MYLK4: variants seen among roughly 807,000 people sequenced by gnomAD.
MYLK4 encodes the protein myosin light chain kinase family member 4.
In MYLK4, 46 loss-of-function variants were observed where a neutral mutation model predicts 48.1. The observed-to-expected ratio is 0.96, with a 90% CI of 0.75 to 1.22. The LOEUF is 1.22. Ranked by LOEUF, MYLK4 falls within the 50% of genes most tolerant of loss-of-function variation. MYLK4 has a pLI of 0.00. For missense variants in MYLK4, 451 were observed against 486.1 expected (o/e 0.93, Z 0.68); for synonymous variants, 170 against 180.8 (o/e 0.94, Z 0.48).
In MYLK4 at chr6:2,685,447, G is replaced by C; in HGVS notation, c.435+36C>G. ...AGTGCATTAGTGTGGTCAAGATGGG[G>C]CGGGGAGGGAGGGGACCACCTCCCA... On this transcript the variant is annotated intron_variant, in intron 5 of 12. Coordinates refer to ENST00000274643, the MANE Select transcript of MYLK4 (RefSeq NM_001012418.5). This position sits in a 1 kb window ranked among gnomAD's most constrained non-coding sequence, Gnocchi z 4.5. 6.2e-7 allele frequency: 1 copy of C among 1,605,462 alleles called. No individual in the cohort carries two copies. The highest frequency in any genetic ancestry group is 8.5e-7 in the Non-Finnish European group (1 of 1,172,542).
chr6:2,728,093 A>G (rs60078844), intron 2 of MYLK4, among the ~76,000 whole-genome samples: 3,099 of 152,270 alleles, frequency 0.02, 85 homozygotes, highest in African/African-American at 0.071. Flanking sequence ...GGAAAGGATA[A>G]GTAATGAGTA....
rs1324533451 is a variant in MYLK4, at chr6:2,666,204, T to C, written c.*1721A>G. 2.6e-5 allele frequency: 4 copies of C among 152,178 alleles called. No individual in the cohort carries two copies. Among genetic ancestry groups the C allele is most frequent in the Non-Finnish European group, 4.4e-5 (3 of 68,034 alleles). The allele number at this position is 152,178 out of a possible 1,614,324, so 9.4% of individuals were successfully genotyped here. On this transcript the variant is annotated 3_prime_UTR_variant, in exon 13 of 13. Transcript: ENST00000274643. The stretch of plus-strand genomic sequence containing the variant: ...TGTTGCACACATTCACGGCATGCTG[T>C]AAGGATTCCTTAAGTGGATCTGAGA...
rs1480438981 is a variant in MYLK4, at chr6:2,685,919, T to A, written c.342-343A>T. Among the ~76,000 whole-genome samples the A allele has an allele frequency of 6.6e-6, 1 of 151,838 alleles. No individual in the cohort carries two copies. The highest frequency in any genetic ancestry group is 2.4e-5 in the African/African-American group (1 of 41,312). ...CTGCTAAAAATACAAATACAAAAAA[T>A]TAGCCAGATGTGATGGCATGTGTCT... On this transcript the variant is annotated intron_variant, in intron 4 of 12. Coordinates refer to ENST00000274643, the MANE Select transcript of MYLK4 (RefSeq NM_001012418.5). This position sits in a 1 kb window ranked among gnomAD's most constrained non-coding sequence, Gnocchi z 4.5.
At position 2,665,365 on chromosome 6, in the gene MYLK4, A is replaced by G. The variant is rs1760605287; in HGVS notation, c.*2560T>C. The G allele has an allele frequency of 6.6e-6, 1 of 152,096 alleles. No homozygotes were observed. The highest frequency in any genetic ancestry group is 6.5e-5 in the Admixed American group (1 of 15,270). The allele number at this position is 152,096 out of a possible 1,614,324, so 9.4% of individuals were successfully genotyped here. On this transcript the variant is annotated 3_prime_UTR_variant, in exon 13 of 13. Transcript: ENST00000274643. The stretch of plus-strand genomic sequence containing the variant: ...AAGTAACTCTAGACTGTAATCATGA[A>G]CTCTGCAATGCAAACTACCCTCAGC...
chr6:2,728,623 G>A (rs920813299), intron 2 of MYLK4, among the ~76,000 whole-genome samples: 1 of 152,178 alleles, frequency 6.6e-6, no homozygotes, highest in Non-Finnish European at 1.5e-5. Context: ...GCCCAGAGAG[G>A]TTGGCACTCC....
intron 2 of MYLK4, among the ~76,000 whole-genome samples, chr6:2,714,984 G>A (rs1762814407): frequency 6.6e-6 from 1 of 152,182 alleles, no homozygotes; most frequent in Non-Finnish European, 1.5e-5. Context: ...TACAGAGTTG[G>A]CTGGGCGTGG....
rs536370993 is a variant in MYLK4 at position 2,673,934 on chromosome 6, G to T, written c.1119+1113C>A. 2.8e-4 allele frequency among the ~76,000 whole-genome samples: 42 copies of T among 152,314 alleles called. No individual in the cohort carries two copies. The highest frequency in any genetic ancestry group is 9.1e-4 in the African/African-American group (38 of 41,566). On this transcript the variant is annotated intron_variant, in intron 11 of 12. Coordinates refer to ENST00000274643, the MANE Select transcript of MYLK4 (RefSeq NM_001012418.5). This position sits in a 1 kb window ranked among gnomAD's most constrained non-coding sequence, Gnocchi z 4.2. ...AGATGGGGGCTCGAGGGAGAGGAAG[G>T]AAGCAAAGAAGATGTACGGGGGCTG...
chr6:2,706,770 C>T (rs1298667211), intron 2 of MYLK4, among the ~76,000 whole-genome samples: 1 of 152,168 alleles, frequency 6.6e-6, no homozygotes, highest in East Asian at 1.9e-4. Flanking sequence ...CTGGCTCTTC[C>T]TCCTTCACGG....
chr6:2,742,635 G>A (rs1329639534), intron 2 of MYLK4, among the ~76,000 whole-genome samples: 1 of 148,940 alleles, frequency 6.7e-6, no homozygotes, highest in Admixed American at 6.8e-5. Context: ...ACCGAACACC[G>A]CATGTTCTCA....
the MYLK4 span, among the ~76,000 whole-genome samples, chr6:2,763,434 G>T: frequency 2.0e-5 from 3 of 152,100 alleles, no homozygotes; most frequent in African/African-American, 4.8e-5. Flanking sequence ...TCCCCAGTTG[G>T]GGGGAGGCTC....
chr6:2,766,459 G>T, the MYLK4 span: 1 of 1,502,224 alleles, frequency 6.7e-7, no homozygotes. Flanking sequence ...GTGCGGCCTT[G>T]GCCGTTGGGC....
At chr6:2,723,136 C>CA (rs995206697) in intron 2 of MYLK4, among the ~76,000 whole-genome samples, 10 of 151,870 alleles carry the variant, frequency 6.6e-5, no homozygotes, top group African/African-American at 2.4e-4. Context: ...TACAAAAACT[C>CA]AAAAAAATTA....
Position 2,744,770 on chromosome 6 carries a change from C to T in MYLK4, c.159+4366G>A, listed in dbSNP as rs551616769. ...GCCATGCTTGTTTCTACCCCCACAG[C>T]TTTGGGATACCCCCTGGTTGGGATA... On this transcript the variant is annotated intron_variant, in intron 2 of 12. Coordinates refer to ENST00000274643, the MANE Select transcript of MYLK4 (RefSeq NM_001012418.5). Among the ~76,000 whole-genome samples, 4 of 152,282 alleles carry T rather than the reference C, an allele frequency of 2.6e-5. No individual in the cohort carries two copies. The South Asian group carries it at 8.3e-4, about 32-fold the overall frequency.
At chr6:2,768,644 C>CT in the MYLK4 span, 1 of 1,523,584 alleles carries the variant, frequency 6.6e-7, no homozygotes, top group African/African-American at 1.4e-5. Context: ...GCTGGTCTCT[C>CT]TGTGTCTTAC....
intron 1 of MYLK4, 33 bp from the exon 2 acceptor site, chr6:2,749,439 C>T (rs1292558549): frequency 8.4e-6 from 5 of 596,362 alleles, no homozygotes; most frequent in Non-Finnish European, 1.4e-5. Flanking sequence ...AAGTTCTCAT[C>T]ACGTATTCAT....
At chr6:2,746,677 G>A (rs79262406) in intron 2 of MYLK4, among the ~76,000 whole-genome samples, 98 of 152,264 alleles carry the variant, frequency 6.4e-4, no homozygotes, top group African/African-American at 1.9e-3. Flanking sequence ...ATGATTAGCC[G>A]TGCTAATCCC....
chr6:2,741,663 A>G (rs769055136), intron 2 of MYLK4, among the ~76,000 whole-genome samples: 4 of 152,250 alleles, frequency 2.6e-5, no homozygotes, highest in Non-Finnish European at 5.9e-5. Context: ...TATTTCAAAG[A>G]CAATAGTTTG....
the MYLK4 span, among the ~76,000 whole-genome samples, chr6:2,760,380 T>C: frequency 6.6e-6 from 1 of 152,192 alleles, no homozygotes; most frequent in Non-Finnish European, 1.5e-5. Flanking sequence ...CAGCACATCA[T>C]CATGTTCACA....
intron 2 of MYLK4, among the ~76,000 whole-genome samples, chr6:2,705,512 T>C (rs1762453364): frequency 6.6e-6 from 1 of 152,186 alleles, no homozygotes; most frequent in Non-Finnish European, 1.5e-5. Context: ...GAGCCTGTGT[T>C]CCCTGTTTAA....
Sources: allele counts gnomAD v4.1 joint callset (sites outside exome capture counted in the v4.1 genomes callset), GRCh38; gene constraint gnomAD v4.1.1; non-coding constraint Gnocchi (gnomAD v3.1); transcripts MANE v1.5; gene names NCBI Gene and HGNC (gene_info 2026-07-23, HGNC 2026-07-21).